PKD2L2: variants seen among roughly 807,000 people sequenced by gnomAD.
PKD2L2 encodes polycystin 2 like 2, transient receptor potential cation channel, also known as polycystin-2-like protein 2.
Under a neutral mutation model 83.9 loss-of-function variants are expected in PKD2L2, and 67 were observed. The observed-to-expected ratio is 0.80, with a 90% CI of 0.66 to 0.98. The LOEUF (loss-of-function observed/expected upper bound fraction) is 0.98, where lower values mean the gene tolerates loss of function less well. PKD2L2 is among the 50% of genes least tolerant of loss of function. The pLI, the probability that PKD2L2 is intolerant of heterozygous loss-of-function variation, is 0.00. For synonymous variants in PKD2L2, 223 were observed against 237.8 expected (o/e 0.94, Z 0.57); for missense variants, 632 against 717.2 (o/e 0.88, Z 1.36).
intron 1 of PKD2L2, 60 bp from the exon 2 acceptor site, chr5:137,890,421 T>C (rs2149994839): frequency 1.1e-6 from 1 of 870,742 alleles, no homozygotes; most frequent in East Asian, 2.6e-5. Flanking sequence ...GGTTTTTCCA[T>C]TGTTGTCACT....
At chr5:137,939,663 G>A (rs925461629) in intron 14 of PKD2L2, 7 of 180,742 alleles carry the variant, frequency 3.9e-5, no homozygotes, top group Non-Finnish European at 7.8e-5. Context: ...GTGAGAAGAT[G>A]TCACTTTGGG....
intron 5 of PKD2L2, among the ~76,000 whole-genome samples, chr5:137,901,395 A>G (rs550052858): frequency 1.6e-5 from 2 of 121,586 alleles, no homozygotes; most frequent in Admixed American, 1.9e-4. Flanking sequence ...AATGCAGACA[A>G]TAGTGCCCTA....
intron 5 of PKD2L2, among the ~76,000 whole-genome samples, chr5:137,903,842 T>G (rs1757153283): frequency 6.6e-6 from 1 of 152,174 alleles, no homozygotes. Context: ...CTGCAACCTC[T>G]GCTTCCTGGG....
chr5:137,941,781 C>T (rs1284459229), intron 14 of PKD2L2, among the ~76,000 whole-genome samples: 1 of 152,198 alleles, frequency 6.6e-6, no homozygotes, highest in Non-Finnish European at 1.5e-5. Context: ...TATTCCTGGC[C>T]ATTAAAAGCA....
intron 8 of PKD2L2, among the ~76,000 whole-genome samples, chr5:137,910,543 C>G (rs186420954): frequency 6.6e-6 from 1 of 151,796 alleles, no homozygotes; most frequent in Admixed American, 6.6e-5. Flanking sequence ...GAGGCCGAGG[C>G]GGGTGGATCA....
In PKD2L2 at chr5:137,936,385, T is replaced by A; in HGVS notation, c.1850T>A (p.Val617Glu). The change falls in exon 14 of 15, where the codon GTG (valine) becomes GAG (glutamate). Residue 617 changes from valine (V) to glutamate (E), a missense_variant. Physicochemically the swap from Val to Glu is moderately radical, Grantham distance 121. Coordinates refer to ENST00000508883, the MANE Select transcript of PKD2L2 (RefSeq NM_001300921.2). ...TACATCAATTTGAAGCTAAATCAAG[T>A]GGTGAGAAAGGTTTCAGCTCTATAG... ...LHYINLKLNQ[V>E]VRKVSAL The A allele has an allele frequency of 6.5e-7, 1 of 1,534,504 alleles. No individual in the cohort carries two copies. The highest frequency in any genetic ancestry group is 1.2e-5 in the South Asian group (1 of 84,022).
chr5:137,941,762 G>C (rs1490914712), intron 14 of PKD2L2, among the ~76,000 whole-genome samples: 1 of 152,172 alleles, frequency 6.6e-6, no homozygotes, highest in Non-Finnish European at 1.5e-5. Flanking sequence ...TGTTTACACT[G>C]GCTGTGACTA....
intron 14 of PKD2L2, among the ~76,000 whole-genome samples, chr5:137,940,772 C>T (rs1761474130): frequency 1.3e-5 from 2 of 152,216 alleles, no homozygotes. Flanking sequence ...AATTTTCTAA[C>T]TTTATAGTAA....
At chr5:137,939,282 T>C (rs1760992552) in intron 14 of PKD2L2, 1 of 152,632 alleles carries the variant, frequency 6.6e-6, no homozygotes, top group Admixed American at 6.5e-5. Flanking sequence ...GGTAGAGCCC[T>C]TGTTAAGAAC....
intron 8 of PKD2L2, among the ~76,000 whole-genome samples, chr5:137,915,111 G>C (rs1363174840): frequency 6.6e-6 from 1 of 152,140 alleles, no homozygotes; most frequent in Non-Finnish European, 1.5e-5. Context: ...GTCTGGCTTA[G>C]GTTTCAAGGT....
At chr5:137,898,519 T>C (rs1028611121) in intron 4 of PKD2L2, among the ~76,000 whole-genome samples, 1 of 152,154 alleles carries the variant, frequency 6.6e-6, no homozygotes, top group African/African-American at 2.4e-5. Flanking sequence ...ATTTTCTAGA[T>C]TCTAAGCTCC....
At chr5:137,940,034 T>C (rs1761171336) in intron 14 of PKD2L2, 1 of 1,612,914 alleles carries the variant, frequency 6.2e-7, no homozygotes, top group Non-Finnish European at 8.5e-7. Flanking sequence ...ATATGGAACA[T>C]CACTTACGCT....
chr5:137,898,153 G>C (rs1756639208), intron 4 of PKD2L2, among the ~76,000 whole-genome samples: 1 of 152,004 alleles, frequency 6.6e-6, no homozygotes, highest in Middle Eastern at 3.4e-3. Flanking sequence ...TTTTAGTAGA[G>C]ATGGGGTTTC....
intron 8 of PKD2L2, among the ~76,000 whole-genome samples, chr5:137,917,328 C>A (rs1466431850): frequency 6.6e-6 from 1 of 151,932 alleles, no homozygotes; most frequent in African/African-American, 2.4e-5. Flanking sequence ...CCACACCCAT[C>A]TAATTTTGTA....
chr5:137,909,298 G>A (rs1211221205), intron 8 of PKD2L2, among the ~76,000 whole-genome samples: 1 of 151,986 alleles, frequency 6.6e-6, no homozygotes, highest in African/African-American at 2.4e-5. Flanking sequence ...CAAAATGCTG[G>A]GATTACAGGC....
intron 8 of PKD2L2, among the ~76,000 whole-genome samples, chr5:137,919,932 A>C (rs1196584817): frequency 6.6e-6 from 1 of 152,090 alleles, no homozygotes; most frequent in Non-Finnish European, 1.5e-5. Flanking sequence ...ATTTGTTTCC[A>C]CGCGCCTGTA....
At chr5:137,924,534 G>C (rs1034924261) in intron 10 of PKD2L2, among the ~76,000 whole-genome samples, 6 of 152,120 alleles carry the variant, frequency 3.9e-5, no homozygotes, top group African/African-American at 1.4e-4. Flanking sequence ...CATCTCCCCT[G>C]CCAGTTTGGC....
chr5:137,931,638 G>A (rs1759889818), intron 12 of PKD2L2, among the ~76,000 whole-genome samples: 1 of 152,062 alleles, frequency 6.6e-6, no homozygotes, highest in Non-Finnish European at 1.5e-5. Context: ...ATCTTGAGGG[G>A]AAAAATAAAA....
chr5:137,932,515 G>A (rs1315035167), intron 12 of PKD2L2, among the ~76,000 whole-genome samples: 1 of 152,240 alleles, frequency 6.6e-6, no homozygotes, highest in Non-Finnish European at 1.5e-5. Context: ...AAAGTGAAAT[G>A]ATAACACTGA....
Sources: gnomAD v4.1 joint callset for allele counts (sites outside exome capture counted in the v4.1 genomes callset) on GRCh38, gnomAD v4.1.1 for gene constraint, MANE v1.5 for transcripts, NCBI Gene and HGNC (gene_info 2026-07-23, HGNC 2026-07-21) for gene names.